C11orf91: variants seen among roughly 807,000 people sequenced by gnomAD.
The protein encoded by C11orf91 is uncharacterized protein C11orf91.
Under a neutral mutation model 14.3 loss-of-function variants are expected in C11orf91, and 10 were observed. That is an observed-to-expected ratio of 0.70 (90% CI 0.43 to 1.18). C11orf91 has a LOEUF of 1.18. Ranked by LOEUF, C11orf91 falls within the 50% of genes most tolerant of loss-of-function variation. C11orf91 has a pLI of 0.00. For synonymous variants in C11orf91, 141 were observed against 130.6 expected (o/e 1.08, Z -0.54); for missense variants, 236 against 269.0 (o/e 0.88, Z 0.86).
At chr11:33,704,281 C>T (rs892480964), upstream of C11orf91, 2 of 152,306 alleles carry the variant, frequency 1.3e-5, no homozygotes, top group African/African-American at 4.8e-5. Flanking sequence ...AAAATGAAGA[C>T]AGTATCTACT....
chr11:33,700,525 C>T lies in C11orf91; in HGVS notation c.216G>A (p.Pro72=). ...CGGGTGGTGGCGGGGGCGGGGGCGC[C>T]GGGGCGGGGAGCGCCTGGGACAGGG... ...ARSLSQALPA[P]APPPPPPPGL... Residue 72 remains proline (P), a synonymous_variant, in exon 1 of 2, where the codon CCG becomes CCA. Coordinates refer to ENST00000379011, the MANE Select transcript of C11orf91 (RefSeq NM_001166692.2). 1.9e-6 allele frequency: 1 copy of T among 526,472 alleles called. No individual in the cohort carries two copies. The highest frequency in any genetic ancestry group is 5.9e-5 in the Admixed American group (1 of 16,812). 32.6% of individuals were successfully genotyped at this position (526,472 alleles called of 1,614,324 possible).
At chr11:33,698,747 C>T (rs542447061) in intron 1 of C11orf91, among the ~76,000 whole-genome samples, 1 of 149,620 alleles carries the variant, frequency 6.7e-6, no homozygotes, top group South Asian at 2.1e-4. Context: ...GTCAGAGTTG[C>T]TAAGTCCTGG....
Position 33,700,812 on chromosome 11 carries a change from G to A in C11orf91, c.-72C>T, listed in dbSNP as rs1564962401. 3 of 1,239,602 alleles carry A rather than the reference G, an allele frequency of 2.4e-6. No individual in the cohort carries two copies. Among genetic ancestry groups the A allele is most frequent in the Non-Finnish European group, 2.0e-6 (2 of 989,444 alleles). The allele number at this position is 1,239,602 out of a possible 1,614,324, so 76.8% of individuals were successfully genotyped here. On this transcript the variant is annotated 5_prime_UTR_variant, in exon 1 of 2. Transcript: ENST00000379011. ...CGCGCTCAGGCCCCGAGTCGCCGGG[G>A]TTTCGAGGTTCCACAAGCCCCGCCC... is the stretch of plus-strand genomic sequence containing the variant.
At position 33,700,465 on chromosome 11, in the gene C11orf91, C is replaced by A; in HGVS notation, c.276G>T (p.Ser92=). The A allele has an allele frequency of 8.3e-7, 1 of 1,206,418 alleles. No individual in the cohort carries two copies. The highest frequency in any genetic ancestry group is 1.0e-6 in the Non-Finnish European group (1 of 956,762). The allele number at this position is 1,206,418 out of a possible 1,614,324, so 74.7% of individuals were successfully genotyped here. The change falls in exon 1 of 2, where the codon TCG becomes TCT. Residue 92 remains serine, a synonymous_variant. Transcript: ENST00000379011. ...TGGAGGCCAGGCCGGAGGGCCAGGG[C>A]GAGGGCCAGGGGCGCTCGCTGGAGG... ...LGPSSERPWP[S]PWPSGLASIP...
At chr11:33,703,198 T>C (rs191183213), upstream of C11orf91, 13 of 152,248 alleles carry the variant, frequency 8.5e-5, no homozygotes, top group Admixed American at 2.0e-4. Flanking sequence ...GGGGGTTAAA[T>C]AAGAAGTTGA....
rs1002206682 is a variant in C11orf91 at position 33,698,777 on chromosome 11, T to C, written c.497-263A>G. 3.9e-4 allele frequency among the ~76,000 whole-genome samples: 29 copies of C among 75,022 alleles called. No individual in the cohort carries two copies. In the East Asian group the frequency reaches 0.016, roughly 42 times the overall value. The allele number at this position is 75,022 out of a possible 152,430, so 49.2% of individuals were successfully genotyped here. On this transcript the variant is annotated intron_variant, in intron 1 of 1. Transcript: ENST00000379011. ...TCCTGGATTTCTTCTTCTTCTAATTTTTTTTTTTTTTTTTTTTTTTTGAGA... is the reference window on the plus strand; with the variant it reads ...TCCTGGATTTCTTCTTCTTCTAATTCTTTTTTTTTTTTTTTTTTTTTGAGA...
chr11:33,700,074 AG>A (rs1165837009), intron 1 of C11orf91, among the ~76,000 whole-genome samples, 170 bp downstream of exon 1: 1 of 151,894 alleles, frequency 6.6e-6, no homozygotes, highest in African/African-American at 2.4e-5. Context: ...TGGGGGGAGG[AG>A]TCGGTTAAGT....
chr11:33,705,434 A>G (rs7046), upstream of C11orf91: 99,726 of 152,180 alleles, frequency 0.66, 33,475 homozygotes, highest in African/African-American at 0.81. Context: ...TATGGCCACT[A>G]TGGTGGTAGA....
At chr11:33,702,032 C>A (rs2133499694), upstream of C11orf91, among the ~76,000 whole-genome samples, 1 of 152,288 alleles carries the variant, frequency 6.6e-6, no homozygotes. Context: ...CCACACTGAG[C>A]TTCCCACACT....
upstream of C11orf91, among the ~76,000 whole-genome samples, chr11:33,701,709 CAAGTT>C (rs2133499361): frequency 6.6e-6 from 1 of 151,424 alleles, no homozygotes; most frequent in South Asian, 2.1e-4. Context: ...ATCAGCTTCA[CAAGTT>C]AAATATATAT....
At position 33,700,720 on chromosome 11, in the gene C11orf91, GC is replaced by G. The variant is rs1853111970; in HGVS notation, c.20del (p.Gly7AlafsTer7). 1 of 1,381,494 alleles carries G rather than the reference GC, an allele frequency of 7.2e-7. No homozygotes were observed. The highest frequency in any genetic ancestry group is 1.5e-5 in the African/African-American group (1 of 67,014). The allele number at this position is 1,381,494 out of a possible 1,614,324, so 85.6% of individuals were successfully genotyped here. A position where few individuals can be genotyped will look rare whatever the true frequency, so the allele number is the denominator to read the frequency against. On this transcript the variant is annotated frameshift_variant, in exon 1 of 2. Transcript: ENST00000379011. LOFTEE classifies it high-confidence loss of function. ...GCTGGCTCATGGTGGGGCTGTGGCT[GC>G]CGCGCCGCCCCTTTGGCATCGTTTG... is the stretch of plus-strand genomic sequence containing the variant. MPKGRR[G>X]SHSPTMSQRS...
At position 33,700,806 on chromosome 11, in the gene C11orf91, G is replaced by C; in HGVS notation, c.-66C>G. 1 of 1,248,804 alleles carries C rather than the reference G, an allele frequency of 8.0e-7. No individual in the cohort carries two copies. The highest frequency in any genetic ancestry group is 4.1e-5 in the Admixed American group (1 of 24,310). 77.4% of individuals were successfully genotyped at this position (1,248,804 alleles called of 1,614,324 possible). On this transcript the variant is annotated 5_prime_UTR_variant, in exon 1 of 2. Coordinates refer to ENST00000379011, the MANE Select transcript of C11orf91 (RefSeq NM_001166692.2). ...GAGACGCGCGCTCAGGCCCCGAGTCGCCGGGGTTTCGAGGTTCCACAAGCC... is the reference window on the plus strand; with the variant it reads ...GAGACGCGCGCTCAGGCCCCGAGTCCCCGGGGTTTCGAGGTTCCACAAGCC...
At chr11:33,700,156 C>T in intron 1 of C11orf91, 89 bp downstream of exon 1, 1 of 1,388,378 alleles carries the variant, frequency 7.2e-7, no homozygotes, top group Admixed American at 2.4e-5. Context: ...GGAGTCAAAC[C>T]AGGCTACATT....
chr11:33,705,954 T>G, the C11orf91 span: 4 of 152,126 alleles, frequency 2.6e-5, no homozygotes, highest in Non-Finnish European at 5.9e-5. Flanking sequence ...ATATATAGGA[T>G]CAGCCTACTG....
intron 1 of C11orf91, among the ~76,000 whole-genome samples, chr11:33,699,062 A>T (rs1853078480): frequency 6.6e-6 from 1 of 151,946 alleles, no homozygotes. Context: ...GGCCCCCCCA[A>T]AGTGCTGAGA....
chr11:33,704,696 G>T (rs1853239573), upstream of C11orf91: 1 of 152,334 alleles, frequency 6.6e-6, no homozygotes, highest in Non-Finnish European at 1.5e-5. Flanking sequence ...ATCAGAGCCG[G>T]CATTTCAAAT....
chr11:33,701,319 C>G (rs1396664895), upstream of C11orf91, among the ~76,000 whole-genome samples: 1 of 151,318 alleles, frequency 6.6e-6, no homozygotes, highest in Admixed American at 6.6e-5. Flanking sequence ...GCTGTTAGAG[C>G]CAACCTATGT....
upstream of C11orf91, chr11:33,704,885 A>C (rs1212953102): frequency 6.6e-6 from 1 of 152,632 alleles, no homozygotes; most frequent in Non-Finnish European, 1.5e-5. Flanking sequence ...TGGGAAGCCC[A>C]GAACAGTCTT....
upstream of C11orf91, chr11:33,704,346 G>T (rs1853223219): frequency 6.6e-6 from 1 of 152,178 alleles, no homozygotes; most frequent in South Asian, 2.1e-4. Flanking sequence ...ACAACTAGTA[G>T]GTGGTCATTG....
Sources: gnomAD v4.1 joint callset for allele counts (sites outside exome capture counted in the v4.1 genomes callset) on GRCh38, gnomAD v4.1.1 for gene constraint, MANE v1.5 for transcripts, NCBI Gene and HGNC (gene_info 2026-07-23, HGNC 2026-07-21) for gene names.